Variants in CLCN5 observed in about 807,000 individuals in gnomAD.
The protein encoded by CLCN5 is H(+)/Cl(-) exchange transporter 5.
Under a neutral mutation model 54.0 loss-of-function variants are expected in CLCN5, and 17 were observed. The observed-to-expected ratio is 0.31, with a 90% CI of 0.22 to 0.47. CLCN5 has a LOEUF of 0.47. Ranked by LOEUF, CLCN5 falls within the 20% of genes least tolerant of loss-of-function variation. The pLI, the probability that CLCN5 is intolerant of heterozygous loss-of-function variation, is 1.00. For synonymous variants in CLCN5, 222 were observed against 233.0 expected, an observed-to-expected ratio of 0.95 and a Z score of 0.43; for missense variants, 448 against 646.7, an observed-to-expected ratio of 0.69 and a Z score of 3.33.
intron 5 of CLCN5, 31 bp from the exon 6 acceptor site, chrX:50,072,458 A>G: frequency 1.0e-6 from 1 of 978,198 alleles, no homozygotes; most frequent in Non-Finnish European, 1.5e-6. Flanking sequence ...GTGTGTGTAG[A>G]GTGTACCAAT....
At chrX:50,067,372 T>C (rs1933062694) in intron 4 of CLCN5, among the ~76,000 whole-genome samples, 1 of 111,829 alleles carries the variant, frequency 8.9e-6, no homozygotes, top group Non-Finnish European at 1.9e-5. Context: ...TTTGCCTTCT[T>C]GGACTTTCTG....
intron 3 of CLCN5, among the ~76,000 whole-genome samples, chrX:50,037,770 A>G (rs945881318): frequency 9.8e-5 from 11 of 112,564 alleles, no homozygotes; most frequent in African/African-American, 3.5e-4. Context: ...GATTGGAATC[A>G]GATATAAGTG....
At chrX:50,011,619 C>T (rs1448737761) in intron 3 of CLCN5, among the ~76,000 whole-genome samples, 2 of 112,333 alleles carry the variant, frequency 1.8e-5, no homozygotes, top group East Asian at 2.8e-4. Flanking sequence ...CCATTCTCAG[C>T]GTGCAAGCCA....
At chrX:50,039,566 A>C (rs1932133977) in intron 3 of CLCN5, among the ~76,000 whole-genome samples, 1 of 112,271 alleles carries the variant, frequency 8.9e-6, no homozygotes, top group South Asian at 3.7e-4. Flanking sequence ...TTATTTGTAA[A>C]GCAGACAAAA....
At position 50,072,572 on chromosome X, in the gene CLCN5, T is replaced by C. The variant is rs1557191630; in HGVS notation, c.399T>C (p.Leu133=). The stretch of plus-strand genomic sequence containing the variant: ...TTTCCGGCTGGTTGTTGATGCTCCT[T>C]ATTGGGCTTTTATCAGGTATGGTAA... ...DAFSGWLLML[L]IGLLSGSLAG... Residue 133 remains leucine (L), a synonymous_variant, in exon 6 of 15, where the codon CTT becomes CTC. Coordinates refer to ENST00000376091, the MANE Select transcript of CLCN5 (RefSeq NM_001127898.4). The C allele has an allele frequency of 2.5e-6, 3 of 1,196,716 alleles. No individual in the cohort carries two copies.
intron 3 of CLCN5, among the ~76,000 whole-genome samples, chrX:49,963,931 G>A (rs180717359): frequency 1.8e-5 from 2 of 112,065 alleles, no homozygotes; most frequent in Admixed American, 1.9e-4. Flanking sequence ...CAGTTAGGTG[G>A]TAACTCTACC....
intron 3 of CLCN5, among the ~76,000 whole-genome samples, chrX:49,980,272 A>G (rs1194638897): frequency 1.8e-5 from 2 of 111,328 alleles, no homozygotes; most frequent in Non-Finnish European, 3.8e-5. Context: ...TATTGGCTTT[A>G]GTGAAGCAAA....
chrX:49,955,771 G>A (rs1215138348), intron 3 of CLCN5, among the ~76,000 whole-genome samples: 1 of 111,651 alleles, frequency 9.0e-6, no homozygotes, highest in Non-Finnish European at 1.9e-5. Context: ...CTCAATTTAT[G>A]TTGTTTGAGC....
chrX:49,974,844 A>G (rs1557176741), intron 3 of CLCN5, among the ~76,000 whole-genome samples: 2 of 112,359 alleles, frequency 1.8e-5, no homozygotes, highest in Admixed American at 1.9e-4. Flanking sequence ...AGGTACCATA[A>G]CTGAGATACT....
intron 3 of CLCN5, among the ~76,000 whole-genome samples, chrX:49,936,641 C>G (rs1441784482): frequency 8.9e-6 from 1 of 112,350 alleles, no homozygotes; most frequent in African/African-American, 3.2e-5. Context: ...ACTGCAAGAA[C>G]TTCAGATGAT....
chrX:50,074,647 A>G (rs1557191864), intron 6 of CLCN5, among the ~76,000 whole-genome samples: 2 of 112,447 alleles, frequency 1.8e-5, no homozygotes, highest in African/African-American at 6.5e-5. Flanking sequence ...ACCAAAACAT[A>G]CACGACATGG....
At chrX:49,972,112 G>GGTGTGTGTGTGT (rs61157983) in intron 3 of CLCN5, among the ~76,000 whole-genome samples, 2 of 86,595 alleles carry the variant, frequency 2.3e-5, no homozygotes, top group East Asian at 3.9e-4. Context: ...TGCATTCTCT[G>GGTGTGTGTGTGT]GTGTGTGTGT....
intron 3 of CLCN5, among the ~76,000 whole-genome samples, chrX:50,022,578 A>G (rs1307106671): frequency 2.9e-5 from 2 of 69,693 alleles, no homozygotes; most frequent in Non-Finnish European, 4.8e-5. Context: ...TAGGGTGTCA[A>G]TTTTGGATCT....
intron 3 of CLCN5, among the ~76,000 whole-genome samples, chrX:50,040,197 G>T (rs1353309254): frequency 3.6e-5 from 4 of 111,887 alleles, no homozygotes; most frequent in South Asian, 3.8e-4. Flanking sequence ...CGGAGAAAGG[G>T]ATTGAAGAAA....
intron 3 of CLCN5, among the ~76,000 whole-genome samples, chrX:49,991,391 TG>T (rs1407446498): frequency 4.5e-5 from 5 of 111,929 alleles, no homozygotes; most frequent in African/African-American, 1.6e-4. Context: ...GCCCACTTTT[TG>T]AGGGGATTAT....
At chrX:50,004,575 G>T (rs113569745) in intron 3 of CLCN5, among the ~76,000 whole-genome samples, 4,975 of 110,207 alleles carry the variant, frequency 0.045, 298 homozygotes, top group African/African-American at 0.16. Context: ...AAAATCTAAG[G>T]CCGCTTTTAA....
intron 7 of CLCN5, 60 bp from the exon 8 acceptor site, chrX:50,080,534 G>C: frequency 9.4e-7 from 1 of 1,067,613 alleles, no homozygotes; most frequent in Non-Finnish European, 1.3e-6. Flanking sequence ...ACTCAGAAGA[G>C]CTGCATGTCT....
intron 3 of CLCN5, among the ~76,000 whole-genome samples, chrX:50,007,440 TCACACACA>T (rs1198364892): frequency 2.9e-5 from 2 of 69,533 alleles, no homozygotes; most frequent in East Asian, 3.7e-4. Context: ...TCTCTCTCTG[TCACACACA>T]CACACACACA....
chrX:50,019,607 C>T (rs1930990517), intron 3 of CLCN5, among the ~76,000 whole-genome samples: 1 of 53,113 alleles, frequency 1.9e-5, no homozygotes, highest in African/African-American at 7.4e-5. Flanking sequence ...AGGTATATCT[C>T]CCAATGCTAT....
Sources: allele counts gnomAD v4.1 joint callset (sites outside exome capture counted in the v4.1 genomes callset), GRCh38; gene constraint gnomAD v4.1.1; transcripts MANE v1.5; gene names NCBI Gene and HGNC (gene_info 2026-07-23, HGNC 2026-07-21).